The following WDSUB1 variants were observed in gnomAD, a reference collection of about 807,000 sequenced individuals.
WDSUB1 encodes the protein WD repeat, sterile alpha motif and U-box domain containing 1.
WDSUB1 carries 49 observed loss-of-function variants against 53.9 expected under a neutral mutation model. The observed-to-expected ratio is 0.91, with a 90% confidence interval of 0.72 to 1.15. The LOEUF is 1.15. WDSUB1 is among the 50% of genes most tolerant of loss of function. The probability of loss-of-function intolerance (pLI) is 0.00; values close to 1 mark genes in which losing one functional copy is unlikely to be tolerated. For synonymous variants in WDSUB1, 194 were observed against 200.6 expected (o/e 0.97, Z 0.28); for missense variants, 514 against 562.0 (o/e 0.91, Z 0.86).
chr2:159,242,176 A>T (rs766996578), intron 10 of WDSUB1, among the ~76,000 whole-genome samples: 2 of 146,534 alleles, frequency 1.4e-5, no homozygotes, highest in African/African-American at 2.7e-5. Flanking sequence ...TCAGCCTCCC[A>T]AGCAGCTGGG....
chr2:159,284,330 C>T (rs1157825737), intron 1 of WDSUB1, among the ~76,000 whole-genome samples: 1 of 152,138 alleles, frequency 6.6e-6, no homozygotes, highest in African/African-American at 2.4e-5. Flanking sequence ...ACCTTTGAAG[C>T]CTTTCTCATA....
chr2:159,284,262 G>C (rs1319004230), intron 1 of WDSUB1, among the ~76,000 whole-genome samples: 1 of 152,152 alleles, frequency 6.6e-6, no homozygotes, highest in East Asian at 1.9e-4. Context: ...CCTTCAAACT[G>C]TCAAATAACT....
chr2:159,267,315 T>A (rs1413544092), intron 5 of WDSUB1, among the ~76,000 whole-genome samples: 7 of 134,804 alleles, frequency 5.2e-5, no homozygotes, highest in South Asian at 4.5e-4. Flanking sequence ...TTTTTTTTTT[T>A]AAAGAGACAA....
At chr2:159,248,231 T>A in intron 10 of WDSUB1, 141 bp downstream of exon 10, 4 of 907,780 alleles carry the variant, frequency 4.4e-6, no homozygotes, top group Non-Finnish European at 6.4e-6. Context: ...ACAATATTCA[T>A]TTGTTCACCC....
intron 6 of WDSUB1, among the ~76,000 whole-genome samples, chr2:159,258,270 C>T (rs2151092376): frequency 6.6e-6 from 1 of 152,328 alleles, no homozygotes; most frequent in East Asian, 1.9e-4. Flanking sequence ...TCTGTTTGAA[C>T]CTACTAATAG....
At chr2:159,256,104 A>G in intron 9 of WDSUB1, 92 bp downstream of exon 9, 1 of 1,250,986 alleles carries the variant, frequency 8.0e-7, no homozygotes, top group Non-Finnish European at 1.1e-6. Context: ...GTGCCAGAAC[A>G]TTAAGAAGAA....
At position 159,236,044 on chromosome 2, in the gene WDSUB1, G is replaced by A. The variant is rs1000148310; in HGVS notation, c.1420C>T (p.His474Tyr). ...CAATATCAACAATTTTACTTTTGGT[G>A]TGTCTCCAGCCATCTATTGATGGCC... Reference protein sequence around the residue: ...KMAINRWLETHQK With the variant: ...KMAINRWLETYQK The change falls in exon 11 of 11, where the codon CAC (histidine) becomes TAC (tyrosine). Residue 474 changes from histidine to tyrosine, a missense_variant. By Grantham distance (83) the His-to-Tyr change is moderately conservative. Coordinates refer to ENST00000359774, the MANE Select transcript of WDSUB1 (RefSeq NM_001128212.3). The A allele has an allele frequency of 1.0e-5, 16 of 1,591,088 alleles. No individual in the cohort carries two copies. The highest frequency in any genetic ancestry group is 5.6e-5 in the Admixed American group (3 of 53,678).
At chr2:159,260,615 C>G (rs564028713) in intron 5 of WDSUB1, among the ~76,000 whole-genome samples, 6 of 152,232 alleles carry the variant, frequency 3.9e-5, no homozygotes, top group African/African-American at 1.4e-4. Flanking sequence ...TTGATGTTGA[C>G]TACATGATTC....
intron 1 of WDSUB1, among the ~76,000 whole-genome samples, chr2:159,284,207 C>A (rs2061739005): frequency 6.6e-6 from 1 of 152,192 alleles, no homozygotes; most frequent in African/African-American, 2.4e-5. Flanking sequence ...ATTCTCACAA[C>A]CACCGTTGTC....
chr2:159,282,278 C>T (rs2061682028), intron 2 of WDSUB1, among the ~76,000 whole-genome samples: 1 of 151,332 alleles, frequency 6.6e-6, no homozygotes, highest in Admixed American at 6.6e-5. Context: ...CTGCAAGCTC[C>T]GCCTCCTGGG....
intron 4 of WDSUB1, among the ~76,000 whole-genome samples, chr2:159,273,730 T>G (rs7596828): frequency 0.57 from 86,959 of 152,068 alleles, 26,188 homozygotes; most frequent in African/African-American, 0.72. Flanking sequence ...TTATGAAAAG[T>G]TTTTAACTGC....
At chr2:159,250,387 A>G (rs922544934) in intron 9 of WDSUB1, among the ~76,000 whole-genome samples, 8 of 152,252 alleles carry the variant, frequency 5.3e-5, no homozygotes, top group Admixed American at 4.6e-4. Context: ...AAATATTTAT[A>G]ACTTAAAAAG....
intron 3 of WDSUB1, among the ~76,000 whole-genome samples, chr2:159,275,893 G>C (rs545413017): frequency 2.6e-5 from 4 of 152,188 alleles, no homozygotes; most frequent in Admixed American, 2.6e-4. Context: ...AGAACTCAAG[G>C]CTGCAAGGAC....
At chr2:159,272,189 A>G (rs1372609661) in intron 4 of WDSUB1, among the ~76,000 whole-genome samples, 4 of 152,220 alleles carry the variant, frequency 2.6e-5, no homozygotes, top group Non-Finnish European at 5.9e-5. Context: ...CAGAAGTTAC[A>G]TTAAAGCAGA....
chr2:159,278,423 G>A (rs2061587184), intron 3 of WDSUB1, among the ~76,000 whole-genome samples: 1 of 152,140 alleles, frequency 6.6e-6, no homozygotes, highest in East Asian at 1.9e-4. Context: ...CCCAGGCCCT[G>A]CCTGCCTGGA....
At chr2:159,263,651 G>C (rs2061273712) in intron 5 of WDSUB1, among the ~76,000 whole-genome samples, 1 of 152,144 alleles carries the variant, frequency 6.6e-6, no homozygotes, top group Admixed American at 6.5e-5. Context: ...TTTCCCCAAG[G>C]CCTTTAGAGG....
chr2:159,267,258 A>T (rs2061363738), intron 5 of WDSUB1, among the ~76,000 whole-genome samples: 1 of 150,044 alleles, frequency 6.7e-6, no homozygotes, highest in East Asian at 2.0e-4. Context: ...GGCCACCCCT[A>T]TCTATGCCAT....
chr2:159,241,571 ATTATC>A (rs2151043144), intron 10 of WDSUB1, among the ~76,000 whole-genome samples: 1 of 148,168 alleles, frequency 6.7e-6, no homozygotes, highest in Admixed American at 6.6e-5. Context: ...CAAAACAAAA[ATTATC>A]TTGACAGCTA....
rs1289184688 is a variant in WDSUB1 at position 159,275,620 on chromosome 2, T to C, written c.602A>G (p.Gln201Arg). The C allele has an allele frequency of 1.9e-6, 3 of 1,602,472 alleles. No homozygotes were observed. The highest frequency in any genetic ancestry group is 1.8e-5 in the Admixed American group (1 of 57,074). ...QPVSDGEQGL[Q>R]FFRLASCGQD... is the part of the protein sequence containing the mutation. The stretch of plus-strand genomic sequence containing the variant: ...ACCACATGATGCCAGTCGAAAAAAC[T>C]GAAGACCTTGTTCTCCATCTAAAAT... The change falls in exon 4 of 11, where the codon CAG (glutamine) becomes CGG (arginine). Residue 201 changes from glutamine (Q) to arginine (R), a missense_variant. Physicochemically the swap from Gln to Arg is conservative, Grantham distance 43. Coordinates refer to ENST00000359774, the MANE Select transcript of WDSUB1 (RefSeq NM_001128212.3).
Sources: gnomAD v4.1 joint callset for allele counts (sites outside exome capture counted in the v4.1 genomes callset) on GRCh38, gnomAD v4.1.1 for gene constraint, MANE v1.5 for transcripts, NCBI Gene and HGNC (gene_info 2026-07-23, HGNC 2026-07-21) for gene names.